LY75: variants seen among roughly 807,000 people sequenced by gnomAD.
LY75 encodes C-type lectin domain family 13 member B.
In LY75, 185 loss-of-function variants were observed where a neutral mutation model predicts 231.7. The observed-to-expected ratio is 0.80, with a 90% CI of 0.71 to 0.90. The LOEUF is 0.90. LY75 is among the 40% of genes least tolerant of loss of function. The pLI is 0.00. For synonymous variants in LY75, 668 were observed against 689.0 expected, an observed-to-expected ratio of 0.97 and a Z score of 0.48; for missense variants, 1,947 against 2,050.2, an observed-to-expected ratio of 0.95 and a Z score of 0.97.
In LY75 at chr2:159,848,093, T is replaced by TATATACACACACACACACACAC; in HGVS notation, c.3150+1886_3150+1887insGTGTGTGTGTGTGTGTGTATAT. Among the ~76,000 whole-genome samples, 207 of 28,484 alleles carry TATATACACACACACACACACAC rather than the reference T, an allele frequency of 7.3e-3. 3 individuals carry two copies. Among genetic ancestry groups the TATATACACACACACACACACAC allele is most frequent in the African/African-American group, 0.024 (171 of 7,182 alleles). The allele number at this position is 28,484 out of a possible 152,430, so 18.7% of individuals were successfully genotyped here. On this transcript the variant is annotated intron_variant, in intron 23 of 34. Transcript: ENST00000263636. The stretch of plus-strand genomic sequence containing the variant: ...GTATATATATATATATATATATATA[T>TATATACACACACACACACACAC]ACACACACACATACACACACCATAT...
intron 13 of LY75, among the ~76,000 whole-genome samples, chr2:159,869,341 G>A (rs1220497836): frequency 6.6e-6 from 1 of 151,938 alleles, no homozygotes; most frequent in Non-Finnish European, 1.5e-5. Context: ...GTCCAGAGGT[G>A]GCCACCATGA....
Position 159,848,711 on chromosome 2 carries a change from C to A in LY75, c.3150+1269G>T, listed in dbSNP as rs374405675. Among the ~76,000 whole-genome samples, 10 of 152,280 alleles carry A rather than the reference C, an allele frequency of 6.6e-5. 1 individual carries two copies. The East Asian group carries it at 1.5e-3, about 23-fold the overall frequency. On this transcript the variant is annotated intron_variant, in intron 23 of 34. Coordinates refer to ENST00000263636, the MANE Select transcript of LY75 (RefSeq NM_002349.4). ...CTAGAAGAAAAGATGCTCAAGTACT[C>A]ATTGTAATTCCCTAGTCTAGGGCTC...
intron 1 of LY75, among the ~76,000 whole-genome samples, chr2:159,899,685 G>T (rs925962454): frequency 3.3e-5 from 5 of 152,204 alleles, no homozygotes; most frequent in Non-Finnish European, 7.3e-5. Flanking sequence ...CACTAAAAAG[G>T]AAAACTTAAG....
chr2:159,857,496 C>T (rs1287497414), intron 16 of LY75, among the ~76,000 whole-genome samples: 1 of 152,138 alleles, frequency 6.6e-6, no homozygotes, highest in Non-Finnish European at 1.5e-5. Flanking sequence ...AATTCTAGCA[C>T]TTTGGGAGGC....
chr2:159,893,923 A>T lies in LY75; in HGVS notation c.628T>A (p.Leu210Ile). 1.2e-6 allele frequency: 2 copies of T among 1,611,156 alleles called. No individual in the cohort carries two copies. Among genetic ancestry groups the T allele is most frequent in the Non-Finnish European group, 1.7e-6 (2 of 1,178,680 alleles). The change falls in exon 3 of 35, where the codon TTA becomes ATA. Residue 210 changes from leucine (L) to isoleucine (I), a missense_variant. Physicochemically the swap from Leu to Ile is conservative, Grantham distance 5. Coordinates refer to ENST00000263636, the MANE Select transcript of LY75 (RefSeq NM_002349.4). ...ACCAGCCCATACATACCAGGCTTTA[A>T]GCAGATGCCCCACTTTCGGTCATAT... ...YEYDRKWGIC[L>I]KPENGCEDNW...
chr2:159,810,392 G>T, intron 32 of LY75, 134 bp downstream of exon 32: 1 of 1,240,804 alleles, frequency 8.1e-7, no homozygotes, highest in Non-Finnish European at 1.1e-6. Context: ...TGGGCAATTA[G>T]TTTATAGCGC....
chr2:159,853,451 T>C, intron 19 of LY75, 99 bp from the exon 20 acceptor site: 3 of 1,497,106 alleles, frequency 2.0e-6, no homozygotes, highest in Non-Finnish European at 2.7e-6. Flanking sequence ...TTAATGTTAA[T>C]ACCATTACTC....
chr2:159,809,310 G>A (rs1682882732), intron 32 of LY75, among the ~76,000 whole-genome samples: 1 of 152,230 alleles, frequency 6.6e-6, no homozygotes, highest in South Asian at 2.1e-4. Context: ...AATTTGTCAC[G>A]GGAAAGAGCC....
At chr2:159,861,754 C>G (rs1368523989) in intron 14 of LY75, among the ~76,000 whole-genome samples, 1 of 151,968 alleles carries the variant, frequency 6.6e-6, no homozygotes, top group Non-Finnish European at 1.5e-5. Context: ...CTAGTCCCCC[C>G]AGAAAAAGAT....
chr2:159,900,090 A>G (rs1686029317), intron 1 of LY75, among the ~76,000 whole-genome samples: 1 of 152,194 alleles, frequency 6.6e-6, no homozygotes, highest in Non-Finnish European at 1.5e-5. Context: ...GGTTTGGACA[A>G]TGGAAAACCC....
intron 1 of LY75, 74 bp downstream of exon 1, chr2:159,904,515 C>G: frequency 7.0e-7 from 1 of 1,425,406 alleles, no homozygotes; most frequent in Non-Finnish European, 9.2e-7. Flanking sequence ...GCAGCCCTGC[C>G]CCAGGCTGGA....
intron 6 of LY75, among the ~76,000 whole-genome samples, chr2:159,884,905 G>A (rs111536102): frequency 2.5e-4 from 38 of 152,196 alleles, no homozygotes; most frequent in African/African-American, 8.2e-4. Flanking sequence ...TTCCTATCTC[G>A]AATATCTCTG....
At chr2:159,874,137 T>TATATATATTTTGTAAATATATATAAAGC in intron 12 of LY75, among the ~76,000 whole-genome samples, 1 of 94,242 alleles carries the variant, frequency 1.1e-5, no homozygotes, top group African/African-American at 3.9e-5. Flanking sequence ...TATATAAACG[T>TATATATATTTTGTAAATATATATAAAGC]ATATATATTT....
intron 28 of LY75, among the ~76,000 whole-genome samples, chr2:159,827,139 T>C (rs558845818): frequency 2.3e-4 from 35 of 152,192 alleles, no homozygotes; most frequent in African/African-American, 8.2e-4. Flanking sequence ...AGCTTCTGCA[T>C]AGCAAAAGAA....
intron 7 of LY75, among the ~76,000 whole-genome samples, chr2:159,881,811 A>C (rs1317110289): frequency 6.6e-6 from 1 of 152,254 alleles, no homozygotes; most frequent in Non-Finnish European, 1.5e-5. Context: ...GAGGGAAATC[A>C]ATCAATGGCA....
chr2:159,890,471 C>CTTAGGATATGCCCAAGGATAAT, intron 3 of LY75, 94 bp from the exon 4 acceptor site: 1 of 1,536,600 alleles, frequency 6.5e-7, no homozygotes, highest in Non-Finnish European at 8.8e-7. Flanking sequence ...AATTTGCATA[C>CTTAGGATATGCCCAAGGATAAT]TCTTAGGATA....
intron 21 of LY75, among the ~76,000 whole-genome samples, chr2:159,851,948 C>T (rs1022043289): frequency 3.9e-5 from 6 of 152,196 alleles, no homozygotes; most frequent in South Asian, 2.1e-4. Flanking sequence ...AACAGATCAA[C>T]TTAAGCAATT....
At chr2:159,807,612 T>A (rs1682827583) in intron 33 of LY75, 1 of 985,244 alleles carries the variant, frequency 1.0e-6, no homozygotes, top group Admixed American at 6.1e-5. Context: ...GGACTCCATT[T>A]TTGCTTTCCA....
intron 13 of LY75, among the ~76,000 whole-genome samples, chr2:159,871,668 T>G (rs539621492): frequency 2.6e-4 from 40 of 152,184 alleles, no homozygotes; most frequent in African/African-American, 9.4e-4. Context: ...AGACTCACAC[T>G]TAATCAAAAC....
Sources: gnomAD v4.1 joint callset for allele counts (sites outside exome capture counted in the v4.1 genomes callset) on GRCh38, gnomAD v4.1.1 for gene constraint, MANE v1.5 for transcripts, NCBI Gene and HGNC (gene_info 2026-07-23, HGNC 2026-07-21) for gene names.